Variants in HPSE2 observed in about 807,000 individuals in gnomAD.
HPSE2 encodes heparanase 2 (inactive).
Under a neutral mutation model 60.5 loss-of-function variants are expected in HPSE2, and 38 were observed. That is an observed-to-expected ratio of 0.63 (90% CI 0.48 to 0.82). The LOEUF (loss-of-function observed/expected upper bound fraction) is 0.82. Among genes scored for constraint, HPSE2 ranks in the 40% least tolerant of loss-of-function variants. The pLI, the probability that HPSE2 is intolerant of heterozygous loss-of-function variation, is 0.00. For synonymous variants in HPSE2, 295 were observed against 293.2 expected (o/e 1.01, Z -0.06); for missense variants, 713 against 740.4 (o/e 0.96, Z 0.43).
In HPSE2 at chr10:98,506,729, C is replaced by G. The variant is rs1281695635; in HGVS notation, c.1321-16533G>C. 2.0e-5 allele frequency among the ~76,000 whole-genome samples: 3 copies of G among 152,208 alleles called. No individual in the cohort carries two copies. The South Asian group carries it at 6.2e-4, about 32-fold the overall frequency. ...CCTCCCAGCTTGGCCTCACAAAGCACTGGGATTTACAGGCGTCAGCTTCTG... is the reference window on the plus strand; with the variant it reads ...CCTCCCAGCTTGGCCTCACAAAGCAGTGGGATTTACAGGCGTCAGCTTCTG... On this transcript the variant is annotated intron_variant, in intron 9 of 11. Transcript: ENST00000370552.
At chr10:99,079,050 G>A (rs992927924) in intron 3 of HPSE2, among the ~76,000 whole-genome samples, 1 of 152,136 alleles carries the variant, frequency 6.6e-6, no homozygotes, top group Non-Finnish European at 1.5e-5. Context: ...GAAAAATCTG[G>A]GATGCAGGAT....
chr10:99,140,950 T>A (rs1845845274), intron 3 of HPSE2, among the ~76,000 whole-genome samples: 1 of 152,136 alleles, frequency 6.6e-6, no homozygotes, highest in Non-Finnish European at 1.5e-5. Context: ...GGCAGAAGAA[T>A]CGCTTGAACC....
intron 3 of HPSE2, among the ~76,000 whole-genome samples, chr10:98,819,846 C>A (rs930335489): frequency 1.3e-5 from 2 of 152,030 alleles, no homozygotes; most frequent in African/African-American, 4.8e-5. Context: ...TCTTGTGGCG[C>A]CTAGTACTAG....
At chr10:99,233,909 C>T (rs1360191597) in intron 1 of HPSE2, among the ~76,000 whole-genome samples, 1 of 152,154 alleles carries the variant, frequency 6.6e-6, no homozygotes, top group East Asian at 1.9e-4. Flanking sequence ...CGAATGCGCC[C>T]CGCCAGGACT....
chr10:98,926,402 T>C (rs1234143364), intron 3 of HPSE2, among the ~76,000 whole-genome samples: 1 of 152,040 alleles, frequency 6.6e-6, no homozygotes, highest in Non-Finnish European at 1.5e-5. Context: ...GGGAAGGTAA[T>C]GGTACAATAC....
chr10:98,692,833 T>C (rs921422227), intron 6 of HPSE2, among the ~76,000 whole-genome samples: 1 of 152,160 alleles, frequency 6.6e-6, no homozygotes, highest in African/African-American at 2.4e-5. Flanking sequence ...TGGAACTTGT[T>C]TTTTAGGGAA....
intron 4 of HPSE2, among the ~76,000 whole-genome samples, chr10:98,732,037 A>G (rs1345740916): frequency 1.3e-5 from 2 of 152,208 alleles, no homozygotes; most frequent in Non-Finnish European, 2.9e-5. Context: ...TCCATTCCCA[A>G]TTGCATCAAA....
intron 3 of HPSE2, among the ~76,000 whole-genome samples, chr10:99,073,314 T>G (rs995020233): frequency 6.6e-6 from 1 of 152,162 alleles, no homozygotes; most frequent in Non-Finnish European, 1.5e-5. Flanking sequence ...AACAAGATCA[T>G]GTCCTTTGCA....
rs1181946586 is a variant in HPSE2, at chr10:98,765,830, A to G, written c.611-21774T>C. On this transcript the variant is annotated intron_variant, in intron 3 of 11. Coordinates refer to ENST00000370552, the MANE Select transcript of HPSE2 (RefSeq NM_021828.5). ...TGCACTCCAGCCTGGGTGACAGAGCAAGACTCTGTCTAAATAAAAAAATAA... is the reference window on the plus strand; with the variant it reads ...TGCACTCCAGCCTGGGTGACAGAGCGAGACTCTGTCTAAATAAAAAAATAA... Among the ~76,000 whole-genome samples the G allele has an allele frequency of 3.1e-4, 47 of 152,082 alleles. 1 individual carries two copies. The highest frequency in any genetic ancestry group is 1.1e-3 in the African/African-American group (46 of 41,426).
chr10:98,534,410 A>ATT (rs34266207), intron 9 of HPSE2, among the ~76,000 whole-genome samples: 117 of 149,700 alleles, frequency 7.8e-4, no homozygotes, highest in Middle Eastern at 3.5e-3. Flanking sequence ...AGAATTTTTA[A>ATT]TTTTTTTTTT....
intron 3 of HPSE2, among the ~76,000 whole-genome samples, chr10:98,780,354 A>T (rs765118455): frequency 3.4e-4 from 52 of 152,308 alleles, no homozygotes; most frequent in Middle Eastern, 6.8e-3. Context: ...CTAAATTTTT[A>T]TTAGAAGGTA....
chr10:98,973,876 T>A (rs908036380), intron 3 of HPSE2, among the ~76,000 whole-genome samples: 50 of 152,128 alleles, frequency 3.3e-4, no homozygotes, highest in African/African-American at 1.2e-3. Context: ...GGAGATATAA[T>A]TTATTTTAAA....
chr10:98,719,240 G>A (rs774720370), intron 5 of HPSE2, among the ~76,000 whole-genome samples: 1 of 152,210 alleles, frequency 6.6e-6, no homozygotes, highest in East Asian at 1.9e-4. Context: ...CACTTACTAT[G>A]TTCCTAGATT....
intron 3 of HPSE2, among the ~76,000 whole-genome samples, chr10:98,745,109 G>A (rs1200656485): frequency 1.3e-5 from 2 of 152,210 alleles, no homozygotes; most frequent in Non-Finnish European, 2.9e-5. Context: ...GGCTGAGGCA[G>A]GAGAATGGCG....
At chr10:98,833,974 C>T (rs991278152) in intron 3 of HPSE2, among the ~76,000 whole-genome samples, 2 of 151,900 alleles carry the variant, frequency 1.3e-5, no homozygotes, top group Admixed American at 6.6e-5. Flanking sequence ...AGGTATTTTA[C>T]CAAATACCCT....
intron 11 of HPSE2, among the ~76,000 whole-genome samples, chr10:98,475,565 C>T (rs1288540479): frequency 7.5e-6 from 1 of 133,728 alleles, no homozygotes; most frequent in Non-Finnish European, 1.6e-5. Context: ...GGAAGCCTCC[C>T]TTGTTGGCAT....
At chr10:99,262,890 T>TA in the HPSE2 span, among the ~76,000 whole-genome samples, 1 of 152,094 alleles carries the variant, frequency 6.6e-6, no homozygotes, top group South Asian at 2.1e-4. Flanking sequence ...TGCCATTCCT[T>TA]AAAAAACAGC....
intron 2 of HPSE2, among the ~76,000 whole-genome samples, chr10:99,146,733 C>T (rs562893088): frequency 1.3e-5 from 2 of 152,238 alleles, no homozygotes; most frequent in African/African-American, 2.4e-5. Flanking sequence ...TGGTGGCACA[C>T]GCCTGTAGTT....
At chr10:99,208,896 TAAAC>T (rs1431136860) in intron 2 of HPSE2, among the ~76,000 whole-genome samples, 1 of 152,010 alleles carries the variant, frequency 6.6e-6, no homozygotes, top group Non-Finnish European at 1.5e-5. Context: ...CAAAAGCTGT[TAAAC>T]AGACAAAAAA....
Sources: gnomAD v4.1 joint callset for allele counts (sites outside exome capture counted in the v4.1 genomes callset) on GRCh38, gnomAD v4.1.1 for gene constraint, MANE v1.5 for transcripts, NCBI Gene and HGNC (gene_info 2026-07-23, HGNC 2026-07-21) for gene names.